THSD7A: variants seen among roughly 807,000 people sequenced by gnomAD.
The protein encoded by THSD7A is thrombospondin type 1 domain containing 7A.
A neutral mutation model predicts 231.3 loss-of-function variants in THSD7A; 96 were observed. The observed-to-expected ratio is 0.41, with a 90% CI of 0.35 to 0.49. The LOEUF (loss-of-function observed/expected upper bound fraction) is 0.49, where lower values mean the gene tolerates loss of function less well. Among genes scored for constraint, THSD7A ranks in the 20% least tolerant of loss-of-function variants. THSD7A has a pLI of 0.05. For synonymous variants in THSD7A, 940 were observed against 743.3 expected (o/e 1.26, Z -4.30); for missense variants, 2,290 against 2,070.2 (o/e 1.11, Z -2.06).
chr7:11,745,435 G>T, intron 1 of THSD7A, among the ~76,000 whole-genome samples: 1 of 152,140 alleles, frequency 6.6e-6, no homozygotes, highest in Middle Eastern at 3.4e-3. Flanking sequence ...CTGTGCAGAA[G>T]CTCTTTAGTT....
At chr7:11,811,934 A>G (rs1784537694) in intron 1 of THSD7A, among the ~76,000 whole-genome samples, 1 of 152,230 alleles carries the variant, frequency 6.6e-6, no homozygotes, top group Non-Finnish European at 1.5e-5. Flanking sequence ...ATCAGTTTAT[A>G]TACTTGAAAA....
chr7:11,420,419 C>G (rs1562595837), intron 16 of THSD7A, among the ~76,000 whole-genome samples: 2 of 152,232 alleles, frequency 1.3e-5, no homozygotes, highest in Non-Finnish European at 2.9e-5. Context: ...TTAGAGGGTG[C>G]AAGTCCCAAA....
At chr7:11,799,207 C>T (rs1031885378) in intron 1 of THSD7A, among the ~76,000 whole-genome samples, 1 of 152,128 alleles carries the variant, frequency 6.6e-6, no homozygotes, top group East Asian at 1.9e-4. Flanking sequence ...AGGCATGAGC[C>T]ACCGCGCCCG....
chr7:11,697,680 C>G (rs1780444678), intron 1 of THSD7A, among the ~76,000 whole-genome samples: 1 of 151,256 alleles, frequency 6.6e-6, no homozygotes, highest in Admixed American at 6.6e-5. Context: ...AATGTCTTCT[C>G]ATTTATCCTC....
intron 1 of THSD7A, among the ~76,000 whole-genome samples, chr7:11,741,900 A>G (rs1782127574): frequency 6.6e-6 from 1 of 151,924 alleles, no homozygotes; most frequent in East Asian, 1.9e-4. Flanking sequence ...ACACTGTTTC[A>G]TATGGTCCTC....
At chr7:11,755,668 T>C (rs890798325) in intron 1 of THSD7A, among the ~76,000 whole-genome samples, 1 of 152,092 alleles carries the variant, frequency 6.6e-6, no homozygotes, top group Non-Finnish European at 1.5e-5. Context: ...GTACCTCATG[T>C]TGAGCAGAAA....
At chr7:11,455,343 T>C (rs896768871) in intron 11 of THSD7A, among the ~76,000 whole-genome samples, 1 of 152,102 alleles carries the variant, frequency 6.6e-6, no homozygotes, top group Non-Finnish European at 1.5e-5. Context: ...AACACAACAT[T>C]TTAAGCATTT....
intron 1 of THSD7A, among the ~76,000 whole-genome samples, chr7:11,769,145 ATATATATATT>A (rs1783136336): frequency 2.8e-5 from 1 of 35,998 alleles, no homozygotes; most frequent in Admixed American, 3.8e-4. Flanking sequence ...ATATATATAT[ATATATATATT>A]TTTTTTTTTT....
chr7:11,827,523 T>C (rs548687290), intron 1 of THSD7A, among the ~76,000 whole-genome samples: 2 of 152,306 alleles, frequency 1.3e-5, no homozygotes, highest in South Asian at 4.1e-4. Context: ...GTCATTTGCC[T>C]TGTACCTTTT....
intron 2 of THSD7A, among the ~76,000 whole-genome samples, chr7:11,596,291 C>A (rs761384605): frequency 6.6e-6 from 1 of 152,152 alleles, no homozygotes; most frequent in Admixed American, 6.5e-5. Flanking sequence ...GACACTGGCT[C>A]GGAGCTGACA....
At chr7:11,629,509 T>C (rs190557793) in intron 2 of THSD7A, among the ~76,000 whole-genome samples, 1 of 152,170 alleles carries the variant, frequency 6.6e-6, no homozygotes, top group African/African-American at 2.4e-5. Flanking sequence ...ATTTTATAAA[T>C]GGATTCTGAA....
intron 2 of THSD7A, among the ~76,000 whole-genome samples, chr7:11,618,736 A>G (rs565132504): frequency 6.6e-5 from 10 of 151,998 alleles, no homozygotes; most frequent in South Asian, 6.2e-4. Flanking sequence ...TGCAGTGAGC[A>G]GAGATCGCGC....
intron 6 of THSD7A, among the ~76,000 whole-genome samples, chr7:11,495,187 T>C (rs1179508037): frequency 6.6e-6 from 1 of 152,062 alleles, no homozygotes; most frequent in Non-Finnish European, 1.5e-5. Context: ...TTACAAATCA[T>C]TGCTCATTGA....
chr7:11,625,463 T>C, intron 2 of THSD7A, among the ~76,000 whole-genome samples: 1 of 152,214 alleles, frequency 6.6e-6, no homozygotes, highest in African/African-American at 2.4e-5. Flanking sequence ...TTTTATCTAA[T>C]ATCAGTGACC....
At chr7:11,728,409 C>T (rs1376112740) in intron 1 of THSD7A, among the ~76,000 whole-genome samples, 1 of 151,766 alleles carries the variant, frequency 6.6e-6, no homozygotes, top group African/African-American at 2.4e-5. Flanking sequence ...TGGCACAAGC[C>T]AATTTTTCCC....
At chr7:11,644,298 A>C (rs1782201892) in intron 1 of THSD7A, among the ~76,000 whole-genome samples, 1 of 152,002 alleles carries the variant, frequency 6.6e-6, no homozygotes, top group Admixed American at 6.6e-5. Context: ...TGCCTAGAAT[A>C]CTGTCCCATT....
intron 4 of THSD7A, among the ~76,000 whole-genome samples, chr7:11,564,470 C>A (rs1790219211): frequency 6.6e-6 from 1 of 152,192 alleles, no homozygotes; most frequent in Non-Finnish European, 1.5e-5. Context: ...CTTCACTCTT[C>A]CAAGCTAGGA....
intron 1 of THSD7A, among the ~76,000 whole-genome samples, chr7:11,773,639 C>A (rs1783308994): frequency 6.6e-6 from 1 of 152,050 alleles, no homozygotes; most frequent in Non-Finnish European, 1.5e-5. Flanking sequence ...ATACATAAGA[C>A]TTTGAATTTC....
chr7:11,752,698 T>A (rs1782541239), intron 1 of THSD7A, among the ~76,000 whole-genome samples: 2 of 152,150 alleles, frequency 1.3e-5, no homozygotes, highest in African/African-American at 4.8e-5. Flanking sequence ...GGAGGACTGC[T>A]TGAGCCCACA....
Sources: gnomAD v4.1 joint callset for allele counts (sites outside exome capture counted in the v4.1 genomes callset) on GRCh38, gnomAD v4.1.1 for gene constraint, MANE v1.5 for transcripts, NCBI Gene and HGNC (gene_info 2026-07-23, HGNC 2026-07-21) for gene names.